Variants in ZBTB4 observed in about 807,000 individuals in gnomAD.
The protein encoded by ZBTB4 is zinc finger and BTB domain containing 4.
Under a neutral mutation model 59.8 loss-of-function variants are expected in ZBTB4, and 14 were observed. The ratio of observed to expected loss-of-function variants is 0.23; its 90% CI spans 0.15 to 0.37. The LOEUF (loss-of-function observed/expected upper bound fraction) is 0.37. Among genes scored for constraint, ZBTB4 ranks in the 10% least tolerant of loss-of-function variants. The pLI, the probability that ZBTB4 is intolerant of heterozygous loss-of-function variation, is 1.00. For missense variants in ZBTB4, 1,198 were observed against 1,380.8 expected, an observed-to-expected ratio of 0.87 and a Z score of 2.10; for synonymous variants, 587 against 575.2, an observed-to-expected ratio of 1.02 and a Z score of -0.29.
chr17:7,482,995 G>A (rs2070367611), upstream of ZBTB4: 1 of 1,611,982 alleles, frequency 6.2e-7, no homozygotes, highest in South Asian at 1.1e-5. Flanking sequence ...GGAAGGTGGA[G>A]GAGTGAGATA....
At chr17:7,467,723 G>C (rs1283698581) in intron 1 of ZBTB4, among the ~76,000 whole-genome samples, 1 of 152,192 alleles carries the variant, frequency 6.6e-6, no homozygotes, top group African/African-American at 2.4e-5. Flanking sequence ...TCAAAGATTT[G>C]CATGTTGTCA....
Position 7,466,047 on chromosome 17 carries a change from T to C in ZBTB4, c.755A>G (p.His252Arg). ...GGCCCCTCGTCGGCACTGGGCCTCA[T>C]GGGTCTGCAGCCGTTTGGGATGGAT... ...SFIHPKRLQT[H>R]EAQCRRGAST... Residue 252 changes from histidine (H) to arginine (R), a missense_variant, in exon 3 of 4, where the codon CAT (histidine) becomes CGT (arginine). Transcript: ENST00000380599. This position sits in a 1 kb window ranked among gnomAD's most constrained non-coding sequence, Gnocchi z 9.1. The C allele has an allele frequency of 6.2e-7, 1 of 1,608,336 alleles. No individual in the cohort carries two copies. The highest frequency in any genetic ancestry group is 8.5e-7 in the Non-Finnish European group (1 of 1,176,678).
Position 7,461,890 on chromosome 17 carries a change from G to T in ZBTB4, c.*50C>A. 1 of 1,471,042 alleles carries T rather than the reference G, an allele frequency of 6.8e-7. No individual in the cohort carries two copies. Among genetic ancestry groups the T allele is most frequent in the South Asian group, 1.4e-5 (1 of 73,302 alleles). 91.1% of individuals were successfully genotyped at this position (1,471,042 alleles called of 1,614,324 possible). On this transcript the variant is annotated 3_prime_UTR_variant, in exon 4 of 4. Transcript: ENST00000380599. Reference sequence around the variant, plus strand: ...GAGGCCAGGGAGCTGGTAGTGGTGGGGGGTTCAGGGAGGGTGGCATCTGGT... The same window carrying T: ...GAGGCCAGGGAGCTGGTAGTGGTGGTGGGTTCAGGGAGGGTGGCATCTGGT...
At chr17:7,476,021 G>C (rs2070264578) in intron 1 of ZBTB4, among the ~76,000 whole-genome samples, 1 of 152,210 alleles carries the variant, frequency 6.6e-6, no homozygotes, top group Non-Finnish European at 1.5e-5. Flanking sequence ...CAGTCATCAA[G>C]TGTGGCTGAA....
rs541043000 is a variant in ZBTB4 at position 7,478,888 on chromosome 17, T to G, written c.-81+568A>C. 9.9e-4 allele frequency among the ~76,000 whole-genome samples: 150 copies of G among 152,212 alleles called. 4 individuals carry two copies. The South Asian group carries it at 0.03, about 30-fold the overall frequency. On this transcript the variant is annotated intron_variant, in intron 1 of 3. Transcript: ENST00000380599. ...CGGTGGTGCCCAGGAGAGGTTTACC[T>G]TGCCCCACCACACAGCACAAGACAC...
rs2070054370 is a variant in ZBTB4 at position 7,463,073 on chromosome 17, C to T, written c.1909G>A (p.Glu637Lys). 14 of 1,611,168 alleles carry T rather than the reference C, an allele frequency of 8.7e-6. No individual in the cohort carries two copies. Among genetic ancestry groups the T allele is most frequent in the Non-Finnish European group, 1.2e-5 (14 of 1,179,548 alleles). Residue 637 changes from glutamate to lysine, a missense_variant, in exon 4 of 4, where the codon GAG (glutamate) becomes AAG (lysine). Around this residue, in one of 9 missense-constraint regions of ZBTB4, gnomAD observed 550 missense variants for 541.8 expected, o/e 1.02. Coordinates refer to ENST00000380599, the MANE Select transcript of ZBTB4 (RefSeq NM_001128833.2). ...ELSGEEMEESEEDEEEEDEEE... is the reference protein window; with the variant it reads ...ELSGEEMEESKEDEEEEDEEE... ...TCGTCCTCCTCCTCTTCGTCCTCCT[C>T]ACTCTCCTCCATCTCCTCTCCGCTC...
rs1217311443 is a variant in ZBTB4 at position 7,461,127 on chromosome 17, T to C, written c.*813A>G. The C allele has an allele frequency of 6.6e-6, 1 of 152,524 alleles. No homozygotes were observed. Among genetic ancestry groups the C allele is most frequent in the Admixed American group, 6.6e-5 (1 of 15,260 alleles). The allele number at this position is 152,524 out of a possible 1,614,324, so 9.4% of individuals were successfully genotyped here. Reference sequence around the variant, plus strand: ...GGCCATATGTAGAGGCAGAAAGAGGTGTGATCTGCTTACCTCTTTTGCCTT... The same window carrying C: ...GGCCATATGTAGAGGCAGAAAGAGGCGTGATCTGCTTACCTCTTTTGCCTT... On this transcript the variant is annotated 3_prime_UTR_variant, in exon 4 of 4. Coordinates refer to ENST00000380599, the MANE Select transcript of ZBTB4 (RefSeq NM_001128833.2).
chr17:7,469,795 A>C (rs2070175056), intron 1 of ZBTB4, among the ~76,000 whole-genome samples: 1 of 143,172 alleles, frequency 7.0e-6, no homozygotes, highest in South Asian at 2.2e-4. Flanking sequence ...AAAATAAATA[A>C]AAAATAGGCC....
intron 1 of ZBTB4, among the ~76,000 whole-genome samples, chr17:7,476,035 G>A (rs1175097899): frequency 1.3e-5 from 2 of 152,114 alleles, no homozygotes; most frequent in East Asian, 3.8e-4. Flanking sequence ...GGCTGAAATC[G>A]CCGCCGAGCT....
rs534055299 is a variant in ZBTB4 at position 7,465,987 on chromosome 17, C to A, written c.815G>T (p.Gly272Val). The change falls in exon 3 of 4, where the codon GGC (glycine) becomes GTC (valine). Residue 272 changes from glycine to valine, a missense_variant. Gly to Val is a moderately radical substitution (Grantham distance 109). Transcript: ENST00000380599. ...CCCTGCAGGACCACCAGGGCCAGCG[C>A]CCCCAGCTCCCAGCCCTGTAGACCC... ...TRGSTGLGAGGAGPGGPAGVD... is the reference protein window; with the variant it reads ...TRGSTGLGAGVAGPGGPAGVD... 2 of 1,601,902 alleles carry A rather than the reference C, an allele frequency of 1.2e-6. No individual in the cohort carries two copies. The highest frequency in any genetic ancestry group is 1.3e-5 in the African/African-American group (1 of 74,822).
chr17:7,481,535 AG>A (rs764554491), upstream of ZBTB4: 6 of 1,546,642 alleles, frequency 3.9e-6, no homozygotes, highest in East Asian at 2.4e-5. Context: ...TGTGGGGGCC[AG>A]GGGCCTAGTA....
Position 7,462,147 on chromosome 17 carries a change from C to T in ZBTB4, c.2835G>A (p.Pro945=), listed in dbSNP as rs560398226. 35 of 1,613,666 alleles carry T rather than the reference C, an allele frequency of 2.2e-5. No homozygotes were observed. The highest frequency in any genetic ancestry group is 1.6e-4 in the Middle Eastern group (1 of 6,080). The part of the protein sequence containing the change: ...PYNFSNLAAL[P]VALNMVLPDE... ...CAGGTAGGACCATGTTGAGAGCAAC[C>T]GGGAGAGCGGCCAAGTTACTGAAGT... The change falls in exon 4 of 4, where the codon CCG becomes CCA. Residue 945 remains proline, a synonymous_variant. Coordinates refer to ENST00000380599, the MANE Select transcript of ZBTB4 (RefSeq NM_001128833.2). This position sits in a 1 kb window ranked among gnomAD's most constrained non-coding sequence, Gnocchi z 7.5.
upstream of ZBTB4, chr17:7,482,742 G>A (rs201069303): frequency 3.2e-5 from 52 of 1,611,912 alleles, 2 homozygotes; most frequent in African/African-American, 4.9e-4. Context: ...CTCCCGAGTT[G>A]GAGTTGTGTG....
chr17:7,461,847 G>T lies in ZBTB4; in HGVS notation c.*93C>A. On this transcript the variant is annotated 3_prime_UTR_variant, in exon 4 of 4. Coordinates refer to ENST00000380599, the MANE Select transcript of ZBTB4 (RefSeq NM_001128833.2). Reference sequence around the variant, plus strand: ...CAAGTCCCTGCACAAGAGTGTGAAGGGGCTCCCAAGGGGCAGGGAGGCCAG... The same window carrying T: ...CAAGTCCCTGCACAAGAGTGTGAAGTGGCTCCCAAGGGGCAGGGAGGCCAG... 8.4e-7 allele frequency: 1 copy of T among 1,189,608 alleles called. No homozygotes were observed. Among genetic ancestry groups the T allele is most frequent in the Non-Finnish European group, 1.2e-6 (1 of 846,508 alleles). 73.7% of individuals were successfully genotyped at this position (1,189,608 alleles called of 1,614,324 possible).
At chr17:7,475,501 G>A (rs1046171563) in intron 1 of ZBTB4, among the ~76,000 whole-genome samples, 1 of 152,024 alleles carries the variant, frequency 6.6e-6, no homozygotes, top group Non-Finnish European at 1.5e-5. Flanking sequence ...GCCCAGGCTG[G>A]AGCGCAGTGG....
In ZBTB4 at chr17:7,462,672, G is replaced by T; in HGVS notation, c.2310C>A (p.Cys770Ter). 1.2e-6 allele frequency: 2 copies of T among 1,607,054 alleles called. No individual in the cohort carries two copies. Among genetic ancestry groups the T allele is most frequent in the Non-Finnish European group, 1.7e-6 (2 of 1,179,208 alleles). The change falls in exon 4 of 4, where the codon TGC (cysteine) becomes TGA (stop). Residue 770 changes from cysteine (C) to a stop codon, truncating the protein, a stop_gained. Transcript: ENST00000380599. LOFTEE classifies it high-confidence loss of function. This position sits in a 1 kb window ranked among gnomAD's most constrained non-coding sequence, Gnocchi z 7.5. ...CAGCTGCGGTCTTGCACACCTTGGC[G>T]CAGTGGGGGCAGGTAAAGCGGGTGG... ...RPSTRFTCPH[C>*]AKVCKTAAAL...
Position 7,466,398 on chromosome 17 carries a change from G to A in ZBTB4, c.404C>T (p.Ala135Val), listed in dbSNP as rs1385952199. The change falls in exon 3 of 4, where the codon GCG becomes GTG. Residue 135 changes from alanine to valine, a missense_variant. This residue lies in a region of ZBTB4 where 31 missense variants were observed against 67.6 expected (regional missense o/e 0.46). Coordinates refer to ENST00000380599, the MANE Select transcript of ZBTB4 (RefSeq NM_001128833.2). The surrounding 1 kb of genome is among the most constrained non-coding windows in gnomAD (Gnocchi z 9.1). The stretch of plus-strand genomic sequence containing the variant: ...GATGAAGTTGAGGACATCAGAAAAC[G>A]CAGCTGCTGGGACTCCTGGCAACTC... ...VLELPGVPAAAFSDVLNFIYS... is the reference protein window; with the variant it reads ...VLELPGVPAAVFSDVLNFIYS... 31 of 1,613,874 alleles carry A rather than the reference G, an allele frequency of 1.9e-5. No individual in the cohort carries two copies. The highest frequency in any genetic ancestry group is 2.5e-5 in the Non-Finnish European group (30 of 1,179,974).
chr17:7,466,283 G>C lies in ZBTB4; in HGVS notation c.519C>G (p.Ser173=). ...CTCCCTCCCCCAGGCCCTGAAGGCG[G>C]GAGATGCCCAGACGGCGCCCCAAAG... ...IGALGRRLGI[S]RLQGLGEGGD... Residue 173 remains serine, a synonymous_variant, in exon 3 of 4, where the codon TCC becomes TCG. Coordinates refer to ENST00000380599, the MANE Select transcript of ZBTB4 (RefSeq NM_001128833.2). The surrounding 1 kb of genome is among the most constrained non-coding windows in gnomAD (Gnocchi z 9.1). 6.2e-7 allele frequency: 1 copy of C among 1,613,398 alleles called. No homozygotes were observed. Among genetic ancestry groups the C allele is most frequent in the Non-Finnish European group, 8.5e-7 (1 of 1,179,564 alleles).
chr17:7,479,817 C>A (rs59665520), upstream of ZBTB4, among the ~76,000 whole-genome samples: 29,239 of 151,526 alleles, frequency 0.19, 2,999 homozygotes, highest in South Asian at 0.28. Context: ...GCTGGGCCAC[C>A]GGGCGGGTGG....
Sources: gnomAD v4.1 joint callset for allele counts (sites outside exome capture counted in the v4.1 genomes callset) on GRCh38, gnomAD v4.1.1 for gene constraint, gnomAD v4.1.1 regional missense constraint, Gnocchi (gnomAD v3.1) non-coding constraint, MANE v1.5 for transcripts, NCBI Gene and HGNC (gene_info 2026-07-23, HGNC 2026-07-21) for gene names.